The following GALNT17 variants were observed in gnomAD, a reference collection of about 807,000 sequenced individuals.
GALNT17 encodes the protein UDP-GalNAc:polypeptide N-acetylgalactosaminyltransferase-like 3.
Under a neutral mutation model 63.7 loss-of-function variants are expected in GALNT17, and 29 were observed. The observed-to-expected ratio is 0.46, with a 90% CI of 0.34 to 0.62. The LOEUF (loss-of-function observed/expected upper bound fraction) is 0.62, where lower values mean the gene tolerates loss of function less well. Among genes scored for constraint, GALNT17 ranks in the 20% least tolerant of loss-of-function variants. The pLI, the probability that GALNT17 is intolerant of heterozygous loss-of-function variation, is 0.01. For missense variants in GALNT17, 603 were observed against 799.6 expected (o/e 0.75, Z 2.97); for synonymous variants, 305 against 318.3 (o/e 0.96, Z 0.45).
intron 2 of GALNT17, among the ~76,000 whole-genome samples, chr7:71,345,145 T>G (rs917816026): frequency 2.6e-5 from 3 of 116,938 alleles, no homozygotes; most frequent in South Asian, 2.6e-4. Context: ...TTGTTGTTTT[T>G]TGTTTTTTTT....
intron 1 of GALNT17, among the ~76,000 whole-genome samples, chr7:71,136,330 A>T (rs1458609301): frequency 6.6e-6 from 1 of 152,210 alleles, no homozygotes; most frequent in African/African-American, 2.4e-5. Flanking sequence ...AGAGGCTGCT[A>T]GAGCCAGTGC....
rs76152074 is a variant in GALNT17, at chr7:71,347,175, C to T, written c.422+11442C>T. Among the ~76,000 whole-genome samples, 121 of 152,118 alleles carry T rather than the reference C, an allele frequency of 8.0e-4. 2 individuals carry two copies. The East Asian group carries it at 0.023, about 29-fold the overall frequency. On this transcript the variant is annotated intron_variant, in intron 2 of 10. Coordinates refer to ENST00000333538, the MANE Select transcript of GALNT17 (RefSeq NM_022479.3). ...ATGTTCATCCCACTTTTGCAGATTC[C>T]CTAGGTCTGAAGAAGATATCTGGGC...
At chr7:71,460,795 G>T (rs1433821696) in intron 5 of GALNT17, among the ~76,000 whole-genome samples, 1 of 152,184 alleles carries the variant, frequency 6.6e-6, no homozygotes, top group Non-Finnish European at 1.5e-5. Flanking sequence ...GTAACTTCTT[G>T]ATGTTGCCAT....
chr7:71,479,971 G>A lies in GALNT17; in HGVS notation c.962+58866G>A, dbSNP rs191944621. On this transcript the variant is annotated intron_variant, in intron 5 of 10. Coordinates refer to ENST00000333538, the MANE Select transcript of GALNT17 (RefSeq NM_022479.3). ...CAAAAGGTTTTGCTCAGCCTCTGGA[G>A]TAAACCCCATCTCAACAGAGCAGCT... is the stretch of plus-strand genomic sequence containing the variant. Among the ~76,000 whole-genome samples, 928 of 152,212 alleles carry A rather than the reference G, an allele frequency of 6.1e-3. 3 individuals carry two copies. The highest frequency in any genetic ancestry group is 8.1e-3 in the Non-Finnish European group (551 of 68,006).
At chr7:71,151,028 G>C (rs1035636781) in intron 1 of GALNT17, among the ~76,000 whole-genome samples, 1 of 151,772 alleles carries the variant, frequency 6.6e-6, no homozygotes, top group Non-Finnish European at 1.5e-5. Context: ...TGACTAAGTG[G>C]AGCAGAGTAC....
At chr7:71,217,196 G>C (rs1452166501) in intron 1 of GALNT17, among the ~76,000 whole-genome samples, 2 of 142,902 alleles carry the variant, frequency 1.4e-5, no homozygotes, top group Admixed American at 7.5e-5. Context: ...GGCCCAGGCT[G>C]GTCTTGAACT....
chr7:71,546,454 G>A (rs12112552), intron 5 of GALNT17, among the ~76,000 whole-genome samples: 11,842 of 152,092 alleles, frequency 0.078, 1,251 homozygotes, highest in African/African-American at 0.24. Context: ...AAGCCACTGC[G>A]CCCAGCTGAC....
At chr7:71,704,176 G>A (rs1208793847) in intron 9 of GALNT17, among the ~76,000 whole-genome samples, 1 of 152,190 alleles carries the variant, frequency 6.6e-6, no homozygotes, top group Non-Finnish European at 1.5e-5. Flanking sequence ...AGGTACCTGG[G>A]TGGTTGGTGT....
chr7:71,361,414 G>A (rs994678392), intron 2 of GALNT17, among the ~76,000 whole-genome samples: 2 of 152,146 alleles, frequency 1.3e-5, no homozygotes, highest in Non-Finnish European at 1.5e-5. Context: ...ATCTGAGACC[G>A]CCTTGAAGGT....
chr7:71,151,633 GA>G (rs565056347), intron 1 of GALNT17, among the ~76,000 whole-genome samples: 229 of 121,510 alleles, frequency 1.9e-3, no homozygotes, highest in African/African-American at 3.3e-3. Context: ...AAAAAGAAAA[GA>G]AAAAAAAAAA....
chr7:71,646,574 T>C (rs1036186365), intron 6 of GALNT17, among the ~76,000 whole-genome samples: 1 of 152,174 alleles, frequency 6.6e-6, no homozygotes, highest in Non-Finnish European at 1.5e-5. Flanking sequence ...TGTAGTTCCT[T>C]GCATGCATAA....
chr7:71,361,143 A>G (rs1450706545), intron 2 of GALNT17, among the ~76,000 whole-genome samples: 1 of 152,164 alleles, frequency 6.6e-6, no homozygotes. Flanking sequence ...TCTGGTATGC[A>G]GTGCTGTAGC....
chr7:71,677,768 G>A (rs1050609768), intron 9 of GALNT17, among the ~76,000 whole-genome samples: 2 of 152,080 alleles, frequency 1.3e-5, no homozygotes, highest in African/African-American at 4.8e-5. Flanking sequence ...GCCCGCCTCG[G>A]CCTCCCAAAG....
chr7:71,697,014 G>A (rs1791555785), intron 9 of GALNT17, among the ~76,000 whole-genome samples: 1 of 152,158 alleles, frequency 6.6e-6, no homozygotes, highest in Non-Finnish European at 1.5e-5. Flanking sequence ...GAGACAGGGT[G>A]GGGCTAGGGA....
Position 71,133,049 on chromosome 7 carries a change from G to C in GALNT17, c.238+9G>C, listed in dbSNP as rs779575517. On this transcript the variant is annotated intron_variant, in intron 1 of 10. Transcript: ENST00000333538. Reference sequence around the variant, plus strand: ...GTACCGGCAGCTGAATGGTAAGGACGCACGCCGGCGCCTCCGGGGCTCGAC... The same window carrying C: ...GTACCGGCAGCTGAATGGTAAGGACCCACGCCGGCGCCTCCGGGGCTCGAC... 2.0e-6 allele frequency: 3 copies of C among 1,538,452 alleles called. No homozygotes were observed. Among genetic ancestry groups the C allele is most frequent in the Admixed American group, 3.9e-5 (2 of 51,228 alleles).
intron 6 of GALNT17, among the ~76,000 whole-genome samples, chr7:71,610,240 C>T (rs1790106005): frequency 6.6e-6 from 1 of 152,100 alleles, no homozygotes; most frequent in Non-Finnish European, 1.5e-5. Flanking sequence ...CCTGTAATCC[C>T]AGAACTTTGG....
At chr7:71,470,583 G>A (rs1787611602) in intron 5 of GALNT17, among the ~76,000 whole-genome samples, 1 of 152,070 alleles carries the variant, frequency 6.6e-6, no homozygotes, top group African/African-American at 2.4e-5. Flanking sequence ...GAAGGAGGGA[G>A]ACGATGTGAT....
intron 5 of GALNT17, among the ~76,000 whole-genome samples, chr7:71,512,112 C>T (rs988046476): frequency 6.7e-6 from 1 of 150,346 alleles, no homozygotes; most frequent in Non-Finnish European, 1.5e-5. Context: ...AAGCGATTCT[C>T]CCGCCTCAGC....
At chr7:71,522,631 G>A (rs1365762889) in intron 5 of GALNT17, among the ~76,000 whole-genome samples, 1 of 152,088 alleles carries the variant, frequency 6.6e-6, no homozygotes, top group African/African-American at 2.4e-5. Flanking sequence ...CATAACATGT[G>A]GGAATTATGG....
Sources: gnomAD v4.1 joint callset for allele counts (sites outside exome capture counted in the v4.1 genomes callset) on GRCh38, gnomAD v4.1.1 for gene constraint, MANE v1.5 for transcripts, NCBI Gene and HGNC (gene_info 2026-07-23, HGNC 2026-07-21) for gene names.